The following RAN variants were observed in gnomAD, a reference collection of about 807,000 sequenced individuals.
The protein encoded by RAN is GTP-binding nuclear protein Ran.
A neutral mutation model predicts 26.8 loss-of-function variants in RAN; 2 were observed. That is an observed-to-expected ratio of 0.07 (90% CI 0.03 to 0.23). The LOEUF (loss-of-function observed/expected upper bound fraction) is 0.23, where lower values mean the gene tolerates loss of function less well. Ranked by LOEUF, RAN falls within the 10% of genes least tolerant of loss-of-function variation. RAN has a pLI of 1.00. For synonymous variants in RAN, 132 were observed against 95.9 expected, an observed-to-expected ratio of 1.38 and a Z score of -2.20; for missense variants, 56 against 264.8, an observed-to-expected ratio of 0.21 and a Z score of 5.47.
chr12:130,876,544 C>A lies in RAN; in HGVS notation c.*618C>A, dbSNP rs1456617047. The A allele has an allele frequency of 6.6e-6, 1 of 152,542 alleles. No homozygotes were observed. The highest frequency in any genetic ancestry group is 1.5e-5 in the Non-Finnish European group (1 of 68,356). The allele number at this position is 152,542 out of a possible 1,614,324, so 9.4% of individuals were successfully genotyped here. A position where few individuals can be genotyped will look rare whatever the true frequency, so the allele number is the denominator to read the frequency against. ...TTAAGCTAAAGCAGTGTTTGCTCCA[C>A]CTTCATATTGGCTAGGTAGGGTCAC... On this transcript the variant is annotated 3_prime_UTR_variant, in exon 7 of 7. Coordinates refer to ENST00000543796, the MANE Select transcript of RAN (RefSeq NM_006325.5).
chr12:130,877,287 C>T lies in RAN; in HGVS notation c.*1361C>T, dbSNP rs570301609. On this transcript the variant is annotated 3_prime_UTR_variant, in exon 7 of 7. Transcript: ENST00000543796. ...TTACCTTAAAAGGTATAGAAAGGAT[C>T]ACTTAAATATATGGAAAAATGAAAT... 4 of 152,100 alleles carry T rather than the reference C, an allele frequency of 2.6e-5. No individual in the cohort carries two copies. The highest frequency in any genetic ancestry group is 7.2e-5 in the African/African-American group (3 of 41,412). 9.4% of individuals were successfully genotyped at this position (152,100 alleles called of 1,614,324 possible).
rs1953231979 is a variant in RAN at position 130,875,979 on chromosome 12, G to C, written c.*53G>C. 2 of 1,574,274 alleles carry C rather than the reference G, an allele frequency of 1.3e-6. No homozygotes were observed. The highest frequency in any genetic ancestry group is 4.5e-5 in the East Asian group (2 of 44,674). ...GTCTAGTTTTATAGGCAGCTGTCCTGTGATGTCAGCGGTGCAGCGTGTGTG... is the reference window on the plus strand; with the variant it reads ...GTCTAGTTTTATAGGCAGCTGTCCTCTGATGTCAGCGGTGCAGCGTGTGTG... On this transcript the variant is annotated 3_prime_UTR_variant, in exon 7 of 7. Transcript: ENST00000543796.
At position 130,873,131 on chromosome 12, in the gene RAN, A is replaced by G; in HGVS notation, c.247+3A>G. On this transcript the variant is annotated splice_donor_region_variant and intron_variant, in intron 4 of 6. Transcript: ENST00000543796. ...GAGAGATGGCTATTATATCCAAGGT[A>G]GGCATTTGTAACTTGCTGAACGGTT... is the stretch of plus-strand genomic sequence containing the variant. 1.9e-6 allele frequency: 3 copies of G among 1,614,158 alleles called. No individual in the cohort carries two copies. Among genetic ancestry groups the G allele is most frequent in the Non-Finnish European group, 2.5e-6 (3 of 1,179,990 alleles).
chr12:130,872,483 C>A, intron 1 of RAN, 101 bp from the exon 2 acceptor site: 1 of 829,650 alleles, frequency 1.2e-6, no homozygotes, highest in Non-Finnish European at 1.6e-6. Context: ...GGGCGGGAGG[C>A]CTTTGTGGGG....
intron 4 of RAN, 139 bp downstream of exon 4, chr12:130,873,267 A>C: frequency 8.4e-7 from 1 of 1,188,400 alleles, no homozygotes; most frequent in Non-Finnish European, 1.2e-6. Context: ...CGGGGAGTTG[A>C]CCACCATTTT....
chr12:130,874,378 G>T, intron 4 of RAN, 168 bp from the exon 5 acceptor site: 1 of 567,772 alleles, frequency 1.8e-6, no homozygotes, highest in Non-Finnish European at 3.1e-6. Flanking sequence ...AGGAGGAATT[G>T]TGTATTAACA....
intron 4 of RAN, chr12:130,873,839 A>T (rs1185659549): frequency 6.1e-6 from 1 of 162,744 alleles, no homozygotes; most frequent in Non-Finnish European, 1.4e-5. Context: ...TTATTCCTGC[A>T]GGTGAATATA....
chr12:130,872,950 A>G, intron 3 of RAN, 30 bp downstream of exon 3: 1 of 1,614,218 alleles, frequency 6.2e-7, no homozygotes, highest in Non-Finnish European at 8.5e-7. Context: ...GCTTGTGGAA[A>G]TATGTGAGAA....
intron 5 of RAN, 101 bp from the exon 6 acceptor site, chr12:130,875,511 C>G: frequency 8.5e-7 from 1 of 1,173,910 alleles, no homozygotes; most frequent in South Asian, 1.6e-5. Context: ...GCCACCATGC[C>G]TTGCCAAGAA....
intron 4 of RAN, chr12:130,873,400 G>T: frequency 2.8e-6 from 1 of 354,182 alleles, no homozygotes; most frequent in South Asian, 2.8e-5. Context: ...ATAATAGGCT[G>T]TTAACAGCAG....
chr12:130,876,799 G>A lies in RAN; in HGVS notation c.*873G>A, dbSNP rs925314014. 2.0e-5 allele frequency: 3 copies of A among 152,192 alleles called. No individual in the cohort carries two copies. Among genetic ancestry groups the A allele is most frequent in the African/African-American group, 4.8e-5 (2 of 41,450 alleles). The allele number at this position is 152,192 out of a possible 1,614,324, so 9.4% of individuals were successfully genotyped here. A position where few individuals can be genotyped will look rare whatever the true frequency, so the allele number is the denominator to read the frequency against. ...TTTTTGTTTGAATGTTAGATGCTTA[G>A]TGTGAAGTTGATACGCAAGGAAAAT... On this transcript the variant is annotated 3_prime_UTR_variant, in exon 7 of 7. Coordinates refer to ENST00000543796, the MANE Select transcript of RAN (RefSeq NM_006325.5).
chr12:130,874,246 T>A (rs934827812), intron 4 of RAN: 3 of 313,310 alleles, frequency 9.6e-6, no homozygotes, highest in African/African-American at 6.5e-5. Context: ...CCTCAGAATA[T>A]GGCAGCTTGG....
chr12:130,873,414 C>T (rs1953175989), intron 4 of RAN: 1 of 332,514 alleles, frequency 3.0e-6, no homozygotes, highest in Admixed American at 4.6e-5. Context: ...ACAGCAGTTT[C>T]AGTATTTGGA....
Position 130,875,595 on chromosome 12 carries a change from A to G in RAN, c.436-17A>G, listed in dbSNP as rs1953224739. 1 of 1,538,608 alleles carries G rather than the reference A, an allele frequency of 6.5e-7. No individual in the cohort carries two copies. Among genetic ancestry groups the G allele is most frequent in the Admixed American group, 2.2e-5 (1 of 46,062 alleles). ...ATAATGAATTTTAAAAAGTAATTTTACCTTTCTTTTAAACAGTACTACGAC... is the reference window on the plus strand; with the variant it reads ...ATAATGAATTTTAAAAAGTAATTTTGCCTTTCTTTTAAACAGTACTACGAC... On this transcript the variant is annotated splice_polypyrimidine_tract_variant and intron_variant, in intron 5 of 6. Transcript: ENST00000543796.
At chr12:130,872,963 G>A (rs775862120) in intron 3 of RAN, 40 bp from the exon 4 acceptor site, 1 of 1,614,182 alleles carries the variant, frequency 6.2e-7, no homozygotes, top group South Asian at 1.1e-5. Context: ...TGTGAGAAAT[G>A]GGTAAGTTCA....
Position 130,872,555 on chromosome 12 carries a change from G to T in RAN, c.-10-29G>T. The T allele has an allele frequency of 1.4e-6, 2 of 1,437,446 alleles. 1 individual carries two copies. Among genetic ancestry groups the T allele is most frequent in the Non-Finnish European group, 1.8e-6 (2 of 1,103,468 alleles). The allele number at this position is 1,437,446 out of a possible 1,614,324, so 89.0% of individuals were successfully genotyped here. A position where few individuals can be genotyped will look rare whatever the true frequency, so the allele number is the denominator to read the frequency against. ...CGCCATGGGCTGCGGGGCCGCGCGA[G>T]CGCTCGCCTCCGTCCTCTGCCTCCG... On this transcript the variant is annotated intron_variant, in intron 1 of 6. Coordinates refer to ENST00000543796, the MANE Select transcript of RAN (RefSeq NM_006325.5).
chr12:130,872,731 A>C lies in RAN; in HGVS notation c.36+102A>C. On this transcript the variant is annotated intron_variant, in intron 2 of 6. Coordinates refer to ENST00000543796, the MANE Select transcript of RAN (RefSeq NM_006325.5). ...ATGGCTGTAATGGGGCCCCGCATCC[A>C]CATTCTTTGTTTTAAGTGAGCCTGT... is the stretch of plus-strand genomic sequence containing the variant. 3.2e-6 allele frequency: 5 copies of C among 1,564,810 alleles called. No homozygotes were observed. The South Asian group carries it at 5.7e-5, about 18-fold the overall frequency.
chr12:130,872,148 G>A, intron 1 of RAN, 22 bp downstream of exon 1: 2 of 207,054 alleles, frequency 9.7e-6, no homozygotes, highest in Non-Finnish European at 1.0e-5. Context: ...CGGCGGGCCC[G>A]GCACGGCCGG....
At chr12:130,873,967 C>T (rs41276692) in intron 4 of RAN, 2 of 337,856 alleles carry the variant, frequency 5.9e-6, no homozygotes, top group Admixed American at 3.1e-5. Flanking sequence ...CTTACCTCAG[C>T]ATCCTGAGTA....
Sources: allele counts gnomAD v4.1 joint callset, GRCh38; gene constraint gnomAD v4.1.1; transcripts MANE v1.5; gene names NCBI Gene and HGNC (gene_info 2026-07-23, HGNC 2026-07-21).